Variants in FLNB observed in about 807,000 individuals in gnomAD.
FLNB encodes the protein filamin B, also known as filamin-B.
Under a neutral mutation model 250.6 loss-of-function variants are expected in FLNB, and 111 were observed. The ratio of observed to expected loss-of-function variants is 0.44; its 90% confidence interval spans 0.38 to 0.52. The LOEUF (loss-of-function observed/expected upper bound fraction) is 0.52. Ranked by LOEUF, FLNB falls within the 20% of genes least tolerant of loss-of-function variation. FLNB has a pLI of 0.00. For synonymous variants in FLNB, 1,302 were observed against 1,372.1 expected, an observed-to-expected ratio of 0.95 and a Z score of 1.13; for missense variants, 2,869 against 3,447.8, an observed-to-expected ratio of 0.83 and a Z score of 4.20.
intron 25 of FLNB, chr3:58,131,803 G>A (rs918813717): frequency 2.9e-6 from 2 of 686,086 alleles, no homozygotes; most frequent in African/African-American, 3.6e-5. Context: ...GCATGTGTTT[G>A]TGTGCATGTA....
chr3:58,169,764 G>A lies in FLNB; in HGVS notation c.7592G>A (p.Ser2531Asn). The stretch of plus-strand genomic sequence containing the variant: ...TCAAAGGCCTTTGTGGGCCAGAAGA[G>A]TTCCTTCCTGGTGGACTGCAGCAAA... ...GLSKAFVGQK[S>N]SFLVDCSKAG... The change falls in exon 45 of 46, where the codon AGT (serine) becomes AAT (asparagine). Residue 2531 changes from serine to asparagine, a missense_variant. Transcript: ENST00000295956. This position sits in a 1 kb window ranked among gnomAD's most constrained non-coding sequence, Gnocchi z 4.8. The A allele has an allele frequency of 6.3e-7, 1 of 1,580,202 alleles. No homozygotes were observed. Among genetic ancestry groups the A allele is most frequent in the Non-Finnish European group, 8.6e-7 (1 of 1,159,328 alleles).
At chr3:58,075,199 G>C (rs1342430201) in intron 1 of FLNB, among the ~76,000 whole-genome samples, 2 of 152,096 alleles carry the variant, frequency 1.3e-5, no homozygotes, top group Non-Finnish European at 2.9e-5. Context: ...CCAGCATTCA[G>C]GTGGCTCTTG....
intron 1 of FLNB, among the ~76,000 whole-genome samples, chr3:58,076,347 C>T (rs1019735626): frequency 3.3e-5 from 5 of 152,196 alleles, no homozygotes; most frequent in Admixed American, 1.3e-4. Flanking sequence ...CACATACACA[C>T]GTGCACACAC....
In FLNB at chr3:58,159,604, T is replaced by A; in HGVS notation, c.6939T>A (p.Asn2313Lys). Residue 2313 changes from asparagine (N) to lysine (K), a missense_variant, in exon 42 of 46, where the codon AAT (asparagine) becomes AAA (lysine). By Grantham distance (94) the Asn-to-Lys change is moderately conservative. Around this residue, in one of 5 missense-constraint regions of FLNB, gnomAD observed 1,084 missense variants for 1,315.5 expected, o/e 0.82. Coordinates refer to ENST00000295956, the MANE Select transcript of FLNB (RefSeq NM_001457.4). ...CAGCATCCTTTGCTATAAGGTTGAA[T>A]GGCGCAAAAGGCAAGATTGATGCAA... ...NQPASFAIRL[N>K]GAKGKIDAKV... 1 of 1,614,120 alleles carries A rather than the reference T, an allele frequency of 6.2e-7. No individual in the cohort carries two copies.
chr3:58,142,819 G>C lies in FLNB; in HGVS notation c.5284+67G>C. ...TCACGAGCTTCCCAGAATGGTGCTG[G>C]GGAGGTGTGTCCACTGTCCCCCAGA... On this transcript the variant is annotated intron_variant, in intron 31 of 45. Transcript: ENST00000295956. The surrounding 1 kb of genome is among the most constrained non-coding windows in gnomAD (Gnocchi z 4.3). The C allele has an allele frequency of 7.1e-7, 1 of 1,398,766 alleles. No individual in the cohort carries two copies. The highest frequency in any genetic ancestry group is 1.7e-5 in the Admixed American group (1 of 59,310). The allele number at this position is 1,398,766 out of a possible 1,614,324, so 86.6% of individuals were successfully genotyped here.
chr3:58,158,058 T>C (rs977255891), intron 41 of FLNB, among the ~76,000 whole-genome samples: 3 of 152,026 alleles, frequency 2.0e-5, no homozygotes, highest in African/African-American at 7.3e-5. Flanking sequence ...CATGTATCGT[T>C]TTGTCTTGCT....
intron 1 of FLNB, among the ~76,000 whole-genome samples, chr3:58,064,091 G>A (rs1166550472): frequency 1.3e-5 from 2 of 152,066 alleles, no homozygotes; most frequent in Non-Finnish European, 2.9e-5. Flanking sequence ...TCATTTAAAA[G>A]TATAATTGGT....
intron 18 of FLNB, among the ~76,000 whole-genome samples, chr3:58,113,502 G>A (rs1474179830): frequency 1.1e-4 from 16 of 152,210 alleles, no homozygotes; most frequent in African/African-American, 3.6e-4. Flanking sequence ...GGGTCATGGT[G>A]TAACTGTCCC....
chr3:58,087,652 A>G (rs2097219341), intron 4 of FLNB, among the ~76,000 whole-genome samples: 1 of 151,974 alleles, frequency 6.6e-6, no homozygotes, highest in Non-Finnish European at 1.5e-5. Context: ...GGGTTTCACC[A>G]TCTTGGCCAG....
At chr3:58,128,786 G>A (rs759642505) in intron 24 of FLNB, among the ~76,000 whole-genome samples, 1 of 152,182 alleles carries the variant, frequency 6.6e-6, no homozygotes, top group Non-Finnish European at 1.5e-5. Context: ...TTTGTCCCCT[G>A]TGGCCGACCT....
intron 4 of FLNB, 152 bp from the exon 5 acceptor site, chr3:58,094,684 A>G (rs1401909134): frequency 2.7e-6 from 2 of 747,828 alleles, no homozygotes; most frequent in Non-Finnish European, 4.9e-6. Context: ...GACCTGCCTG[A>G]TTTTCCTTGT....
intron 1 of FLNB, among the ~76,000 whole-genome samples, chr3:58,064,614 A>T (rs2097182896): frequency 6.6e-6 from 1 of 152,084 alleles, no homozygotes; most frequent in African/African-American, 2.4e-5. Context: ...TCTTCTCTCA[A>T]GTTCCCTGAT....
At position 58,076,742 on chromosome 3, in the gene FLNB, T is replaced by C. The variant is rs746812305; in HGVS notation, c.293-304T>C. On this transcript the variant is annotated intron_variant, in intron 1 of 45. Coordinates refer to ENST00000295956, the MANE Select transcript of FLNB (RefSeq NM_001457.4). The stretch of plus-strand genomic sequence containing the variant: ...CCCAAAAGTGCTGGGGTTACAGGAG[T>C]GTGCCACTGCACCTGGCCATTATTA... Among the ~76,000 whole-genome samples, 77 of 151,756 alleles carry C rather than the reference T, an allele frequency of 5.1e-4. 1 individual carries two copies. Among genetic ancestry groups the C allele is most frequent in the Middle Eastern group, 3.4e-3 (1 of 290 alleles).
chr3:58,030,974 CAG>C (rs1366449867), intron 1 of FLNB, among the ~76,000 whole-genome samples: 1 of 152,114 alleles, frequency 6.6e-6, no homozygotes, highest in African/African-American at 2.4e-5. Flanking sequence ...AGGCAAATTG[CAG>C]AGATTTCCAT....
In FLNB at chr3:58,142,287, C is replaced by G. The variant is rs1053092961; in HGVS notation, c.5181+358C>G. Among the ~76,000 whole-genome samples, 12 of 152,250 alleles carry G rather than the reference C, an allele frequency of 7.9e-5. No homozygotes were observed. Among genetic ancestry groups the G allele is most frequent in the African/African-American group, 2.9e-4 (12 of 41,464 alleles). ...GGGGAAAGCCACCCACTGCTACTCT[C>G]TGCCACTTAAAATGCACCTTCTTTT... On this transcript the variant is annotated intron_variant, in intron 30 of 45. Coordinates refer to ENST00000295956, the MANE Select transcript of FLNB (RefSeq NM_001457.4). This position sits in a 1 kb window ranked among gnomAD's most constrained non-coding sequence, Gnocchi z 4.3.
chr3:58,163,697 T>C (rs2097365449), intron 43 of FLNB: 1 of 296,724 alleles, frequency 3.4e-6, no homozygotes. Flanking sequence ...TGCGTCCAAG[T>C]GGGCTCCTAC....
chr3:58,170,861 G>T lies in FLNB; in HGVS notation c.*99G>T. On this transcript the variant is annotated 3_prime_UTR_variant, in exon 46 of 46. Coordinates refer to ENST00000295956, the MANE Select transcript of FLNB (RefSeq NM_001457.4). ...AGCCCTCCAGCCTGTTTGTGGGGCT[G>T]AAACCCCATCCCTAAAATATTGCTG... 4.6e-6 allele frequency: 5 copies of T among 1,097,470 alleles called. No individual in the cohort carries two copies. The highest frequency in any genetic ancestry group is 6.8e-6 in the Non-Finnish European group (5 of 736,176). 68.0% of individuals were successfully genotyped at this position (1,097,470 alleles called of 1,614,324 possible).
At chr3:58,115,812 G>A (rs1162392318) in intron 18 of FLNB, among the ~76,000 whole-genome samples, 1 of 152,020 alleles carries the variant, frequency 6.6e-6, no homozygotes, top group Non-Finnish European at 1.5e-5. Context: ...GAGAAGAGAA[G>A]ACCAAAGTCC....
At chr3:58,156,273 G>A (rs889345392) in intron 41 of FLNB, among the ~76,000 whole-genome samples, 198 bp downstream of exon 41, 30 of 152,170 alleles carry the variant, frequency 2.0e-4, no homozygotes, top group African/African-American at 7.2e-4. Flanking sequence ...CACTTGGGGC[G>A]AGCAAAAACA....
Sources: gnomAD v4.1 joint callset for allele counts (sites outside exome capture counted in the v4.1 genomes callset) on GRCh38, gnomAD v4.1.1 for gene constraint, gnomAD v4.1.1 regional missense constraint, Gnocchi (gnomAD v3.1) non-coding constraint, MANE v1.5 for transcripts, NCBI Gene and HGNC (gene_info 2026-07-23, HGNC 2026-07-21) for gene names.